The following STAT3 variants were observed in gnomAD, a reference collection of about 807,000 sequenced individuals.
STAT3 encodes signal transducer and activator of transcription 3.
A neutral mutation model predicts 114.3 loss-of-function variants in STAT3; 7 were observed. That is an observed-to-expected ratio of 0.06 (90% CI 0.03 to 0.11). STAT3 has a LOEUF of 0.11. Ranked by LOEUF, STAT3 falls within the 10% of genes least tolerant of loss-of-function variation. The pLI is 1.00. For synonymous variants in STAT3, 331 were observed against 354.5 expected, an observed-to-expected ratio of 0.93 and a Z score of 0.74; for missense variants, 364 against 960.9, an observed-to-expected ratio of 0.38 and a Z score of 8.21.
chr17:42,362,452 G>C (rs1486255801), intron 1 of STAT3, among the ~76,000 whole-genome samples: 5 of 152,164 alleles, frequency 3.3e-5, no homozygotes, highest in Non-Finnish European at 7.4e-5. Flanking sequence ...TGTGGGTAGA[G>C]AGACCTTTTC....
rs1336673764 is a variant in STAT3, at chr17:42,324,884, ATGGTGCTCAT to A, written c.1465-48_1465-39del. On this transcript the variant is annotated intron_variant, in intron 16 of 23. Coordinates refer to ENST00000264657, the MANE Select transcript of STAT3 (RefSeq NM_139276.3). This position sits in a 1 kb window ranked among gnomAD's most constrained non-coding sequence, Gnocchi z 4.5. ...ACACATTTGCTTGTTTAGATGAGGG[ATGGTGCTCAT>A]TGTCTATACTAGGTACCCCTAAGTC... is the stretch of plus-strand genomic sequence containing the variant. 1 of 1,614,178 alleles carries A rather than the reference ATGGTGCTCAT, an allele frequency of 6.2e-7. No individual in the cohort carries two copies. Among genetic ancestry groups the A allele is most frequent in the Non-Finnish European group, 8.5e-7 (1 of 1,180,038 alleles).
In STAT3 at chr17:42,337,889, G is replaced by A. The variant is rs764953034; in HGVS notation, c.551-32C>T. ...AGGAAGAAAAAACTCCTTGACCTGA[G>A]GGAATACTCCTTGACCTGAGGGAAT... is the stretch of plus-strand genomic sequence containing the variant. On this transcript the variant is annotated intron_variant, in intron 6 of 23. Coordinates refer to ENST00000264657, the MANE Select transcript of STAT3 (RefSeq NM_139276.3). This position sits in a 1 kb window ranked among gnomAD's most constrained non-coding sequence, Gnocchi z 4.0. 1.3e-6 allele frequency: 2 copies of A among 1,527,888 alleles called. No homozygotes were observed. The highest frequency in any genetic ancestry group is 1.8e-6 in the Non-Finnish European group (2 of 1,138,832). The allele number at this position is 1,527,888 out of a possible 1,614,324, so 94.6% of individuals were successfully genotyped here.
At chr17:42,380,033 G>T (rs759537269) in intron 1 of STAT3, among the ~76,000 whole-genome samples, 11 of 151,956 alleles carry the variant, frequency 7.2e-5, no homozygotes, top group Non-Finnish European at 1.5e-4. Flanking sequence ...TGATATGACA[G>T]TTTTTTGTTT....
chr17:42,321,842 GAC>G (rs2081497325), intron 21 of STAT3, among the ~76,000 whole-genome samples: 1 of 151,980 alleles, frequency 6.6e-6, no homozygotes, highest in South Asian at 2.1e-4. Context: ...TTTATTTTTT[GAC>G]ACAGTATCTC....
At chr17:42,377,217 AG>A (rs1463619765) in intron 1 of STAT3, among the ~76,000 whole-genome samples, 1 of 152,144 alleles carries the variant, frequency 6.6e-6, no homozygotes, top group Admixed American at 6.6e-5. Context: ...TGCATAGCCT[AG>A]AATACTACTC....
In STAT3 at chr17:42,326,063, G is replaced by C. The variant is rs2081704834; in HGVS notation, c.1365+53C>G. 3 of 1,506,842 alleles carry C rather than the reference G, an allele frequency of 2.0e-6. No individual in the cohort carries two copies. The East Asian group carries it at 6.8e-5, about 34-fold the overall frequency. The allele number at this position is 1,506,842 out of a possible 1,614,324, so 93.3% of individuals were successfully genotyped here. On this transcript the variant is annotated intron_variant, in intron 15 of 23. Coordinates refer to ENST00000264657, the MANE Select transcript of STAT3 (RefSeq NM_139276.3). Reference sequence around the variant, plus strand: ...TGTAAAAATCCCAGTGGAAGTTTTTGTCCTGAGTCACCCCTGTACGTAGCC... The same window carrying C: ...TGTAAAAATCCCAGTGGAAGTTTTTCTCCTGAGTCACCCCTGTACGTAGCC...
intron 14 of STAT3, among the ~76,000 whole-genome samples, chr17:42,328,917 T>G (rs1023740974): frequency 7.9e-5 from 12 of 152,202 alleles, no homozygotes; most frequent in Non-Finnish European, 1.6e-4. Context: ...GATGGGTTTT[T>G]GTTTGTTCAT....
Position 42,345,665 on chromosome 17 carries a change from T to G in STAT3, c.274-8A>C. 1 of 1,591,478 alleles carries G rather than the reference T, an allele frequency of 6.3e-7. No homozygotes were observed. Among genetic ancestry groups the G allele is most frequent in the Non-Finnish European group, 8.6e-7 (1 of 1,166,476 alleles). Reference sequence around the variant, plus strand: ...CTTCTCAAGATACCTGCTCTATAAGTAGGAGAGAAAGAGAATAAAAATCAG... The same window carrying G: ...CTTCTCAAGATACCTGCTCTATAAGGAGGAGAGAAAGAGAATAAAAATCAG... On this transcript the variant is annotated splice_region_variant and splice_polypyrimidine_tract_variant and intron_variant, in intron 3 of 23. Transcript: ENST00000264657.
At chr17:42,361,408 G>A (rs1485173275) in intron 1 of STAT3, among the ~76,000 whole-genome samples, 1 of 151,778 alleles carries the variant, frequency 6.6e-6, no homozygotes, top group Non-Finnish European at 1.5e-5. Flanking sequence ...TCTTGAACCC[G>A]GGAGGCGGAG....
chr17:42,340,668 T>A (rs1291422212), intron 4 of STAT3, among the ~76,000 whole-genome samples: 1 of 152,060 alleles, frequency 6.6e-6, no homozygotes, highest in Non-Finnish European at 1.5e-5. Context: ...TTTCCCATGG[T>A]CCCTATCCAA....
chr17:42,316,233 T>C (rs1447570891), intron 23 of STAT3: 1 of 423,522 alleles, frequency 2.4e-6, no homozygotes, highest in African/African-American at 2.1e-5. Context: ...CTTTTTCTTT[T>C]TAGTTTAGTT....
chr17:42,330,399 A>G (rs1431076807), intron 11 of STAT3, among the ~76,000 whole-genome samples: 1 of 149,708 alleles, frequency 6.7e-6, no homozygotes, highest in Non-Finnish European at 1.5e-5. Flanking sequence ...TACAGGCGTG[A>G]GCCACCGCGC....
intron 1 of STAT3, among the ~76,000 whole-genome samples, chr17:42,384,133 T>A (rs190512079): frequency 0.04 from 970 of 24,218 alleles, 17 homozygotes; most frequent in African/African-American, 0.06. Flanking sequence ...TATTTATTTA[T>A]TTTTTTTTTT....
At chr17:42,369,967 T>C (rs1327988428) in intron 1 of STAT3, among the ~76,000 whole-genome samples, 1 of 151,872 alleles carries the variant, frequency 6.6e-6, no homozygotes, top group Non-Finnish European at 1.5e-5. Flanking sequence ...TGGCCATGTG[T>C]TGGTTTTTTG....
intron 1 of STAT3, among the ~76,000 whole-genome samples, chr17:42,364,713 C>T (rs2083687289): frequency 6.6e-6 from 1 of 152,140 alleles, no homozygotes; most frequent in Non-Finnish European, 1.5e-5. Context: ...AAACTCCTGA[C>T]CTCAAGTGAT....
rs548610129 is a variant in STAT3, at chr17:42,336,313, T to C, written c.797+1122A>G. The stretch of plus-strand genomic sequence containing the variant: ...CAGAAAAGCATATAAAGGAAGATCC[T>C]GGGCTGGGCACGGCAGCTCACATCT... On this transcript the variant is annotated intron_variant, in intron 8 of 23. Transcript: ENST00000264657. 1.9e-4 allele frequency among the ~76,000 whole-genome samples: 29 copies of C among 152,274 alleles called. 1 individual carries two copies. The South Asian group carries it at 5.8e-3, about 30-fold the overall frequency.
chr17:42,371,086 T>C (rs1356901810), intron 1 of STAT3, among the ~76,000 whole-genome samples: 1 of 152,166 alleles, frequency 6.6e-6, no homozygotes, highest in African/African-American at 2.4e-5. Context: ...AAAGCAGAGA[T>C]AAGACAGAAC....
chr17:42,359,180 C>G (rs933507408), intron 1 of STAT3, among the ~76,000 whole-genome samples: 8 of 152,016 alleles, frequency 5.3e-5, no homozygotes, highest in African/African-American at 1.9e-4. Flanking sequence ...CGTGATCTGC[C>G]CACCTCGGCC....
chr17:42,321,535 C>T (rs1228445440), intron 21 of STAT3, among the ~76,000 whole-genome samples: 2 of 152,182 alleles, frequency 1.3e-5, no homozygotes, highest in Non-Finnish European at 2.9e-5. Flanking sequence ...TCCACCCAGT[C>T]ACTGTCTTCC....
Sources: allele counts gnomAD v4.1 joint callset (sites outside exome capture counted in the v4.1 genomes callset), GRCh38; gene constraint gnomAD v4.1.1; non-coding constraint Gnocchi (gnomAD v3.1); transcripts MANE v1.5; gene names NCBI Gene and HGNC (gene_info 2026-07-23, HGNC 2026-07-21).